The following ADAMTS17 variants were observed in gnomAD, a reference collection of about 807,000 sequenced individuals.
ADAMTS17 encodes ADAM metallopeptidase with thrombospondin type 1 motif 17.
Under a neutral mutation model 141.5 loss-of-function variants are expected in ADAMTS17, and 113 were observed. The observed-to-expected ratio is 0.80, with a 90% CI of 0.69 to 0.93. The LOEUF is 0.93. Among genes scored for constraint, ADAMTS17 ranks in the 40% least tolerant of loss-of-function variants. The probability of loss-of-function intolerance (pLI) is 0.00; values close to 1 mark genes in which losing one functional copy is unlikely to be tolerated. For missense variants in ADAMTS17, 1,659 were observed against 1,517.9 expected (o/e 1.09, Z -1.54); for synonymous variants, 768 against 630.6 (o/e 1.22, Z -3.27).
At chr15:100,263,678 G>A (rs1596390859) in intron 4 of ADAMTS17, among the ~76,000 whole-genome samples, 1 of 152,226 alleles carries the variant, frequency 6.6e-6, no homozygotes, top group South Asian at 2.1e-4. Flanking sequence ...ACAGGATTGC[G>A]AGAGGTACGC....
intron 8 of ADAMTS17, among the ~76,000 whole-genome samples, chr15:100,187,802 T>G (rs1025707658): frequency 6.6e-6 from 1 of 152,072 alleles, no homozygotes; most frequent in Admixed American, 6.5e-5. Flanking sequence ...GCACAGTCGC[T>G]CACATCTCGG....
intron 9 of ADAMTS17, among the ~76,000 whole-genome samples, chr15:100,153,986 G>A (rs1411351287): frequency 1.3e-5 from 2 of 152,208 alleles, no homozygotes; most frequent in African/African-American, 4.8e-5. Flanking sequence ...TTCGAGGCCA[G>A]CCTGGCCAAC....
At chr15:99,994,999 T>C (rs2060771077) in intron 19 of ADAMTS17, among the ~76,000 whole-genome samples, 1 of 151,872 alleles carries the variant, frequency 6.6e-6, no homozygotes. Context: ...GTGGGGAGAG[T>C]AGCTGTGTGT....
intron 18 of ADAMTS17, among the ~76,000 whole-genome samples, chr15:100,008,462 T>C (rs980602505): frequency 2.0e-5 from 3 of 152,116 alleles, no homozygotes; most frequent in Admixed American, 6.5e-5. Context: ...AGCCCGTGAC[T>C]CATCAGAGGC....
chr15:100,119,779 G>A (rs137878636), intron 12 of ADAMTS17, among the ~76,000 whole-genome samples: 1 of 152,290 alleles, frequency 6.6e-6, no homozygotes, highest in East Asian at 1.9e-4. Context: ...TCTCCAACAG[G>A]CAGTCTCTGT....
chr15:100,089,889 G>A (rs563177087), intron 15 of ADAMTS17, among the ~76,000 whole-genome samples: 6 of 150,728 alleles, frequency 4.0e-5, no homozygotes, highest in East Asian at 2.0e-4. Flanking sequence ...GTTAAATGAC[G>A]AGTTAATGGG....
At chr15:100,140,408 T>A (rs1057451341) in intron 10 of ADAMTS17, among the ~76,000 whole-genome samples, 10 of 151,274 alleles carry the variant, frequency 6.6e-5, no homozygotes, top group African/African-American at 1.9e-4. Flanking sequence ...CACAATTTTT[T>A]AAAAATGACG....
chr15:100,337,200 C>T (rs1473518487), intron 2 of ADAMTS17, among the ~76,000 whole-genome samples: 2 of 152,250 alleles, frequency 1.3e-5, no homozygotes, highest in East Asian at 1.9e-4. Context: ...ATCTGGACTA[C>T]ACTTGCTCCC....
At chr15:100,165,699 G>A (rs754650001) in intron 8 of ADAMTS17, among the ~76,000 whole-genome samples, 6 of 152,208 alleles carry the variant, frequency 3.9e-5, no homozygotes, top group Non-Finnish European at 8.8e-5. Flanking sequence ...GCTGATTCCA[G>A]TTAGAAATTG....
chr15:99,975,058 A>C (rs2727200), intron 21 of ADAMTS17, among the ~76,000 whole-genome samples: 131,948 of 152,228 alleles, frequency 0.87, 57,446 homozygotes, highest in Non-Finnish European at 0.9. Flanking sequence ...GCTTGAAAAG[A>C]CACAACTATA....
rs183850008 is a variant in ADAMTS17, at chr15:100,048,574, T to A, written c.2591+283A>T. 8.0e-4 allele frequency among the ~76,000 whole-genome samples: 117 copies of A among 146,444 alleles called. 1 individual carries two copies. Among genetic ancestry groups the A allele is most frequent in the African/African-American group, 2.9e-3 (113 of 39,174 alleles). On this transcript the variant is annotated intron_variant, in intron 18 of 21. Coordinates refer to ENST00000268070, the MANE Select transcript of ADAMTS17 (RefSeq NM_139057.4). ...ATTTGGGGAAGCCAATGGTTAAAAG[T>A]GTGTGGTGATGGCCATTTTTTTTTT...
chr15:100,052,091 C>T (rs968408273), intron 16 of ADAMTS17, among the ~76,000 whole-genome samples: 2 of 152,260 alleles, frequency 1.3e-5, no homozygotes, highest in African/African-American at 2.4e-5. Context: ...GCATGCTCAC[C>T]CACAAAGCTG....
chr15:100,338,258 A>G (rs886423528), intron 2 of ADAMTS17, among the ~76,000 whole-genome samples: 1 of 152,126 alleles, frequency 6.6e-6, no homozygotes, highest in Non-Finnish European at 1.5e-5. Flanking sequence ...CATGGCCCCT[A>G]AACAGCTACG....
At chr15:100,204,067 A>G (rs1596268184) in intron 7 of ADAMTS17, among the ~76,000 whole-genome samples, 1 of 152,214 alleles carries the variant, frequency 6.6e-6, no homozygotes, top group South Asian at 2.1e-4. Context: ...TCTCAGTAGA[A>G]GCATAATTTT....
chr15:100,281,003 G>A (rs2044261311), intron 4 of ADAMTS17, among the ~76,000 whole-genome samples: 1 of 152,154 alleles, frequency 6.6e-6, no homozygotes, highest in South Asian at 2.1e-4. Context: ...GCAGATCTGG[G>A]CACTTCAACA....
intron 18 of ADAMTS17, among the ~76,000 whole-genome samples, chr15:100,002,481 C>T (rs1383385672): frequency 2.0e-5 from 3 of 151,940 alleles, no homozygotes; most frequent in Non-Finnish European, 4.4e-5. Context: ...ACACAGAGGC[C>T]ACATCCAGGA....
rs796125017 is a variant in ADAMTS17 at position 100,294,592 on chromosome 15, C to T, written c.617-13191G>A. On this transcript the variant is annotated intron_variant, in intron 3 of 21. Coordinates refer to ENST00000268070, the MANE Select transcript of ADAMTS17 (RefSeq NM_139057.4). ...GGATGGTGGCACGTGCTTGTAGTCC[C>T]GGCGACTCAGGAGGCTGAGGTCGGA... Among the ~76,000 whole-genome samples, 14 of 152,070 alleles carry T rather than the reference C, an allele frequency of 9.2e-5. No individual in the cohort carries two copies. The South Asian group carries it at 1.0e-3, about 11-fold the overall frequency.
chr15:100,247,269 G>A (rs2043017911), intron 7 of ADAMTS17, among the ~76,000 whole-genome samples: 1 of 151,238 alleles, frequency 6.6e-6, no homozygotes, highest in Non-Finnish European at 1.5e-5. Context: ...ACAATACAGT[G>A]GAACAAACAG....
intron 14 of ADAMTS17, among the ~76,000 whole-genome samples, chr15:100,098,513 G>A (rs761624035): frequency 6.6e-5 from 10 of 152,000 alleles, no homozygotes; most frequent in Non-Finnish European, 1.3e-4. Context: ...TAGGCATGGT[G>A]GCACGCACCT....
Sources: gnomAD v4.1 joint callset for allele counts (sites outside exome capture counted in the v4.1 genomes callset) on GRCh38, gnomAD v4.1.1 for gene constraint, MANE v1.5 for transcripts, NCBI Gene and HGNC (gene_info 2026-07-23, HGNC 2026-07-21) for gene names.